The following RBMS1 variants were observed in gnomAD, a reference collection of about 807,000 sequenced individuals.
RBMS1 encodes RNA-binding motif, single-stranded-interacting protein 1.
In RBMS1, 17 loss-of-function variants were observed where a neutral mutation model predicts 62.3. That is an observed-to-expected ratio of 0.27 (90% CI 0.19 to 0.41). The LOEUF is 0.41. Ranked by LOEUF, RBMS1 falls within the 10% of genes least tolerant of loss-of-function variation. RBMS1 has a pLI of 1.00. For missense variants in RBMS1, 334 were observed against 504.5 expected (o/e 0.66, Z 3.24); for synonymous variants, 172 against 170.0 (o/e 1.01, Z -0.09).
intron 2 of RBMS1, among the ~76,000 whole-genome samples, chr2:160,332,443 T>A (rs549824671): frequency 7.0e-4 from 106 of 151,722 alleles, no homozygotes; most frequent in Non-Finnish European, 1.4e-3. Context: ...AAAAAAAAAA[T>A]CAAACAACAG....
intron 1 of RBMS1, among the ~76,000 whole-genome samples, chr2:160,485,667 T>C (rs1440137512): frequency 6.6e-6 from 1 of 151,842 alleles, no homozygotes; most frequent in Non-Finnish European, 1.5e-5. Flanking sequence ...ACAAATCACA[T>C]AGAGCATGAG....
At chr2:160,287,904 ATAT>A (rs1169815894) in intron 6 of RBMS1, among the ~76,000 whole-genome samples, 31 of 150,902 alleles carry the variant, frequency 2.1e-4, no homozygotes, top group African/African-American at 6.0e-4. Flanking sequence ...ATAGATCTGT[ATAT>A]TATTACTATA....
At chr2:160,295,058 G>A (rs991705840) in intron 6 of RBMS1, among the ~76,000 whole-genome samples, 6 of 151,864 alleles carry the variant, frequency 4.0e-5, no homozygotes, top group Admixed American at 2.0e-4. Context: ...TAGAGAAGTT[G>A]AAAACTCTTT....
chr2:160,411,525 C>A (rs1472212494), intron 1 of RBMS1, among the ~76,000 whole-genome samples: 1 of 152,132 alleles, frequency 6.6e-6, no homozygotes, highest in Admixed American at 6.6e-5. Context: ...TTAAAACACC[C>A]TTCTTCAGAA....
At chr2:160,357,112 T>C (rs989549159) in intron 2 of RBMS1, among the ~76,000 whole-genome samples, 2 of 152,124 alleles carry the variant, frequency 1.3e-5, no homozygotes, top group African/African-American at 4.8e-5. Flanking sequence ...CTTCGTATAA[T>C]GGTTAAATAT....
rs1340845981 is a variant in RBMS1, at chr2:160,429,395, T to C, written c.76-62004A>G. On this transcript the variant is annotated intron_variant, in intron 1 of 13. Coordinates refer to ENST00000348849, the MANE Select transcript of RBMS1 (RefSeq NM_016836.4). The stretch of plus-strand genomic sequence containing the variant: ...GTTGTTATACATGTCAGCCATCTTA[T>C]TAAGTAAGCTCTTGGAAAAAATAAA... Among the ~76,000 whole-genome samples the C allele has an allele frequency of 2.0e-5, 3 of 152,220 alleles. No homozygotes were observed. The East Asian group carries it at 5.8e-4, about 29-fold the overall frequency.
intron 1 of RBMS1, among the ~76,000 whole-genome samples, chr2:160,440,120 T>C (rs1164631090): frequency 4.8e-5 from 3 of 62,528 alleles, no homozygotes; most frequent in Non-Finnish European, 7.3e-5. Context: ...GGCTTTTTTC[T>C]TTTTTTCCCT....
intron 1 of RBMS1, among the ~76,000 whole-genome samples, chr2:160,378,391 T>C (rs1694108268): frequency 6.6e-6 from 1 of 152,018 alleles, no homozygotes; most frequent in African/African-American, 2.4e-5. Flanking sequence ...AGGCAGGTGA[T>C]CACTTGAGCC....
intron 1 of RBMS1, among the ~76,000 whole-genome samples, chr2:160,461,192 T>C (rs1388565092): frequency 6.6e-6 from 1 of 151,448 alleles, no homozygotes; most frequent in Non-Finnish European, 1.5e-5. Flanking sequence ...AAGGCTGCAG[T>C]GAGCTATGAT....
intron 1 of RBMS1, among the ~76,000 whole-genome samples, chr2:160,460,689 C>G (rs1339581602): frequency 6.6e-6 from 1 of 152,194 alleles, no homozygotes; most frequent in East Asian, 1.9e-4. Flanking sequence ...GCCCTTGAGT[C>G]AACTTATTCT....
At position 160,476,551 on chromosome 2, in the gene RBMS1, CTTTTTTT is replaced by C. The variant is rs755429434; in HGVS notation, c.75+16731_75+16737del. 6.3e-5 allele frequency among the ~76,000 whole-genome samples: 7 copies of C among 111,284 alleles called. No individual in the cohort carries two copies. In the East Asian group the frequency reaches 2.1e-3, roughly 33 times the overall value. The allele number at this position is 111,284 out of a possible 152,430, so 73.0% of individuals were successfully genotyped here. Reference sequence around the variant, plus strand: ...GCACAAAACTGAACAAAACACACTTCTTTTTTTTTTTTTTTTTTTTTGAGACAGAGTC... The same window carrying C: ...GCACAAAACTGAACAAAACACACTTCTTTTTTTTTTTTTTGAGACAGAGTC... On this transcript the variant is annotated intron_variant, in intron 1 of 13. Coordinates refer to ENST00000348849, the MANE Select transcript of RBMS1 (RefSeq NM_016836.4).
intron 7 of RBMS1, among the ~76,000 whole-genome samples, chr2:160,286,325 G>A (rs376517241): frequency 1.6e-5 from 2 of 128,902 alleles, no homozygotes; most frequent in Non-Finnish European, 3.3e-5. Flanking sequence ...TTTTTATTTT[G>A]TTTTTTTTTT....
chr2:160,439,846 A>C (rs1683326349), intron 1 of RBMS1, among the ~76,000 whole-genome samples: 1 of 152,158 alleles, frequency 6.6e-6, no homozygotes, highest in Admixed American at 6.5e-5. Context: ...CGCGGTTAGG[A>C]GCTGGAGACC....
At chr2:160,437,250 C>T (rs575487931) in intron 1 of RBMS1, among the ~76,000 whole-genome samples, 2 of 152,316 alleles carry the variant, frequency 1.3e-5, no homozygotes, top group Middle Eastern at 3.4e-3. Flanking sequence ...CATTTTTGGT[C>T]TAGTTTGTTG....
intron 2 of RBMS1, among the ~76,000 whole-genome samples, chr2:160,352,996 C>A (rs968956473): frequency 1.3e-5 from 2 of 152,000 alleles, no homozygotes; most frequent in African/African-American, 4.8e-5. Flanking sequence ...GATATCAAGA[C>A]AAAATGAGCT....
Position 160,493,613 on chromosome 2 carries a change from T to A in RBMS1, c.-250A>T. 1.8e-6 allele frequency: 1 copy of A among 548,852 alleles called. No homozygotes were observed. Among genetic ancestry groups the A allele is most frequent in the Non-Finnish European group, 3.2e-6 (1 of 312,496 alleles). 34.0% of individuals were successfully genotyped at this position (548,852 alleles called of 1,614,324 possible). A position where few individuals can be genotyped will look rare whatever the true frequency, so the allele number is the denominator to read the frequency against. The stretch of plus-strand genomic sequence containing the variant: ...TCCTCCCAGGCAGAAAGAAAGACAC[T>A]GCAGAGCGCAGAGGGCACCCCGGAC... On this transcript the variant is annotated 5_prime_UTR_variant, in exon 1 of 14. Transcript: ENST00000348849.
At chr2:160,306,249 G>A (rs1456040860) in intron 4 of RBMS1, among the ~76,000 whole-genome samples, 1 of 151,588 alleles carries the variant, frequency 6.6e-6, no homozygotes, top group South Asian at 2.1e-4. Flanking sequence ...GAAGGGGATC[G>A]ACAATGTAGG....
chr2:160,391,468 T>C (rs931145584), intron 1 of RBMS1, among the ~76,000 whole-genome samples: 37 of 152,170 alleles, frequency 2.4e-4, no homozygotes, highest in African/African-American at 8.7e-4. Flanking sequence ...TGTAGAACTT[T>C]GTTATAGCAG....
chr2:160,327,757 A>G (rs1479514212), intron 2 of RBMS1, among the ~76,000 whole-genome samples: 1 of 152,176 alleles, frequency 6.6e-6, no homozygotes, highest in East Asian at 1.9e-4. Flanking sequence ...TGTGCCGAAA[A>G]TGAAACCCAG....
Sources: gnomAD v4.1 joint callset for allele counts (sites outside exome capture counted in the v4.1 genomes callset) on GRCh38, gnomAD v4.1.1 for gene constraint, MANE v1.5 for transcripts, NCBI Gene and HGNC (gene_info 2026-07-23, HGNC 2026-07-21) for gene names.